LRP1B: variants seen among roughly 807,000 people sequenced by gnomAD.
The protein encoded by LRP1B is low-density lipoprotein receptor-related protein 1B.
In LRP1B, 217 loss-of-function variants were observed where a neutral mutation model predicts 556.6. The ratio of observed to expected loss-of-function variants is 0.39; its 90% CI spans 0.35 to 0.44. LRP1B has a LOEUF of 0.44. LRP1B is among the 20% of genes least tolerant of loss of function. The pLI is 1.00. For synonymous variants in LRP1B, 2,047 were observed against 1,865.8 expected (o/e 1.10, Z -2.50); for missense variants, 5,053 against 5,620.8 (o/e 0.90, Z 3.23).
intron 2 of LRP1B, among the ~76,000 whole-genome samples, chr2:141,504,294 G>A (rs1388962995): frequency 6.6e-6 from 1 of 152,062 alleles, no homozygotes. Flanking sequence ...GGCTAGTATA[G>A]GGATGAAAAA....
chr2:140,322,038 G>C lies in LRP1B; in HGVS notation c.12565C>G (p.Pro4189Ala), dbSNP rs559377868. The C allele has an allele frequency of 1.2e-6, 2 of 1,613,002 alleles. No homozygotes were observed. Among genetic ancestry groups the C allele is most frequent in the South Asian group, 2.2e-5 (2 of 91,040 alleles). ...LACEFLCLLN[P>A]SGATCVCPEG... ...GGACACACACAAGTGGCCCCAGAAGGATTTAGCAAGCAAAGAAATTCGCAT... is the reference window on the plus strand; with the variant it reads ...GGACACACACAAGTGGCCCCAGAAGCATTTAGCAAGCAAAGAAATTCGCAT... The change falls in exon 82 of 91, where the codon CCT becomes GCT. Residue 4189 changes from proline to alanine, a missense_variant. Pro to Ala is a conservative substitution (Grantham distance 27). This residue lies in a region of LRP1B where 551 missense variants were observed against 592.0 expected (regional missense o/e 0.93). Transcript: ENST00000389484.
At chr2:140,858,952 T>A (rs1307790076) in intron 27 of LRP1B, among the ~76,000 whole-genome samples, 1 of 152,198 alleles carries the variant, frequency 6.6e-6, no homozygotes, top group Non-Finnish European at 1.5e-5. Flanking sequence ...CCATGGTGTA[T>A]ATGTACCACA....
chr2:141,625,802 T>C (rs1688684677), intron 2 of LRP1B, among the ~76,000 whole-genome samples: 3 of 152,156 alleles, frequency 2.0e-5, no homozygotes. Context: ...CAGGACTCTT[T>C]CTTGAAGAGT....
chr2:141,099,326 A>C (rs992158948), intron 7 of LRP1B, among the ~76,000 whole-genome samples: 2 of 152,194 alleles, frequency 1.3e-5, no homozygotes, highest in African/African-American at 2.4e-5. Flanking sequence ...CCACCACGTT[A>C]ATTTCTTTCT....
chr2:140,750,991 C>CTTTTTTTTT (rs562658619), intron 35 of LRP1B, among the ~76,000 whole-genome samples: 4 of 98,084 alleles, frequency 4.1e-5, no homozygotes, highest in Non-Finnish European at 4.1e-5. Flanking sequence ...CTTTTTTTTT[C>CTTTTTTTTT]TTTTTTTTTT....
At chr2:141,926,144 T>C (rs573469373) in intron 1 of LRP1B, among the ~76,000 whole-genome samples, 4 of 152,322 alleles carry the variant, frequency 2.6e-5, no homozygotes, top group African/African-American at 9.6e-5. Context: ...TATTTCAACA[T>C]GCATACAGAA....
chr2:141,997,932 T>C (rs561569689), intron 1 of LRP1B, among the ~76,000 whole-genome samples: 16 of 152,238 alleles, frequency 1.1e-4, no homozygotes, highest in African/African-American at 3.6e-4. Flanking sequence ...CAAGTTCCTC[T>C]CAGATCTTCA....
intron 31 of LRP1B, among the ~76,000 whole-genome samples, chr2:140,815,125 A>C (rs6720793): frequency 0.46 from 69,065 of 151,150 alleles, 16,920 homozygotes; most frequent in East Asian, 0.58. Context: ...TGAACAAATC[A>C]CAAATAATTC....
chr2:140,933,617 T>G lies in LRP1B; in HGVS notation c.3137-10470A>C, dbSNP rs576295313. Reference sequence around the variant, plus strand: ...GTCTTTATGCTATTAATTATATCTTTAACAAAACAAGGGATGTTACTCTGA... The same window carrying G: ...GTCTTTATGCTATTAATTATATCTTGAACAAAACAAGGGATGTTACTCTGA... On this transcript the variant is annotated intron_variant, in intron 20 of 90. Transcript: ENST00000389484. Among the ~76,000 whole-genome samples the G allele has an allele frequency of 2.6e-5, 4 of 152,192 alleles. No homozygotes were observed. In the South Asian group the frequency reaches 8.3e-4, roughly 32 times the overall value.
chr2:141,029,928 A>C (rs1698319242), intron 11 of LRP1B, among the ~76,000 whole-genome samples: 1 of 152,136 alleles, frequency 6.6e-6, no homozygotes, highest in Admixed American at 6.6e-5. Context: ...ACTAGATTCC[A>C]GTAGCAACAC....
intron 25 of LRP1B, among the ~76,000 whole-genome samples, chr2:140,872,789 T>C (rs1307559818): frequency 2.0e-5 from 3 of 152,032 alleles, no homozygotes; most frequent in Admixed American, 6.6e-5. Flanking sequence ...ATTAAGGCTA[T>C]TTAGCTGACA....
intron 2 of LRP1B, among the ~76,000 whole-genome samples, chr2:141,753,282 A>ATATATATATATATATATC (rs1393990033): frequency 7.4e-6 from 1 of 136,016 alleles, no homozygotes; most frequent in East Asian, 2.1e-4. Context: ...ATATATATAT[A>ATATATATATATATATATC]TCCCAGATGA....
chr2:141,357,560 A>G (rs1573851966), intron 3 of LRP1B, among the ~76,000 whole-genome samples: 1 of 152,196 alleles, frequency 6.6e-6, no homozygotes, highest in Non-Finnish European at 1.5e-5. Context: ...AAGAAATAAT[A>G]ATCTAATTGT....
At chr2:141,145,690 C>T (rs552787916) in intron 7 of LRP1B, among the ~76,000 whole-genome samples, 8 of 151,336 alleles carry the variant, frequency 5.3e-5, no homozygotes, top group African/African-American at 1.9e-4. Flanking sequence ...CGCACCACCA[C>T]GCCTGGCTAA....
chr2:141,102,640 C>A (rs928060621), intron 7 of LRP1B, among the ~76,000 whole-genome samples: 14 of 151,808 alleles, frequency 9.2e-5, no homozygotes, highest in African/African-American at 3.4e-4. Context: ...AAAGGCACAC[C>A]AACTCAGGTC....
chr2:140,345,767 CACAT>C (rs1302441819), intron 77 of LRP1B, among the ~76,000 whole-genome samples: 1 of 121,922 alleles, frequency 8.2e-6, no homozygotes, highest in Non-Finnish European at 1.8e-5. Context: ...TACATATATA[CACAT>C]ATATATACAT....
intron 32 of LRP1B, among the ~76,000 whole-genome samples, chr2:140,776,676 T>C (rs1034545458): frequency 4.6e-5 from 7 of 152,040 alleles, no homozygotes; most frequent in Non-Finnish European, 1.0e-4. Flanking sequence ...AAAATATACA[T>C]TGTTCTCCCA....
chr2:140,755,073 A>G (rs1688701223), intron 35 of LRP1B, among the ~76,000 whole-genome samples: 1 of 152,068 alleles, frequency 6.6e-6, no homozygotes, highest in Non-Finnish European at 1.5e-5. Flanking sequence ...TACATAACTT[A>G]GATAAAATGT....
intron 3 of LRP1B, among the ~76,000 whole-genome samples, chr2:141,414,193 C>T (rs562406353): frequency 2.0e-3 from 279 of 142,888 alleles, no homozygotes; most frequent in Middle Eastern, 3.7e-3. Flanking sequence ...GCGGAGATAG[C>T]GCCACTGCAC....
Sources: allele counts gnomAD v4.1 joint callset (sites outside exome capture counted in the v4.1 genomes callset), GRCh38; gene constraint gnomAD v4.1.1; regional missense constraint gnomAD v4.1.1; transcripts MANE v1.5; gene names NCBI Gene and HGNC (gene_info 2026-07-23, HGNC 2026-07-21).